The following CARMIL1 variants were observed in gnomAD, a reference collection of about 807,000 sequenced individuals.
CARMIL1 encodes the protein capping protein regulator and myosin 1 linker 1.
A neutral mutation model predicts 177.1 loss-of-function variants in CARMIL1; 90 were observed. The ratio of observed to expected loss-of-function variants is 0.51; its 90% CI spans 0.43 to 0.61. The LOEUF (loss-of-function observed/expected upper bound fraction) is 0.61, where lower values mean the gene tolerates loss of function less well. Ranked by LOEUF, CARMIL1 falls within the 20% of genes least tolerant of loss-of-function variation. CARMIL1 has a pLI of 0.00. For missense variants in CARMIL1, 1,380 were observed against 1,667.0 expected, an observed-to-expected ratio of 0.83 and a Z score of 3.00; for synonymous variants, 577 against 606.2, an observed-to-expected ratio of 0.95 and a Z score of 0.71.
In CARMIL1 at chr6:25,389,626, G is replaced by T. The variant is rs11760123; in HGVS notation, c.139-30488G>T. ...GACACTATGAAACATGACTAATGATGCCAGGAATACTTGAGTCAGCATGTG... is the reference window on the plus strand; with the variant it reads ...GACACTATGAAACATGACTAATGATTCCAGGAATACTTGAGTCAGCATGTG... On this transcript the variant is annotated intron_variant, in intron 2 of 36. Coordinates refer to ENST00000329474, the MANE Select transcript of CARMIL1 (RefSeq NM_017640.6). Among the ~76,000 whole-genome samples, 519 of 152,310 alleles carry T rather than the reference G, an allele frequency of 3.4e-3. 1 individual carries two copies. Among genetic ancestry groups the T allele is most frequent in the Non-Finnish European group, 5.2e-3 (353 of 68,036 alleles).
intron 8 of CARMIL1, among the ~76,000 whole-genome samples, chr6:25,459,235 T>TTTCC (rs1189979472): frequency 8.4e-5 from 8 of 94,824 alleles, no homozygotes; most frequent in Admixed American, 2.5e-4. Flanking sequence ...TCTTTCTTTC[T>TTTCC]TTCTTTCTTT....
intron 2 of CARMIL1, among the ~76,000 whole-genome samples, chr6:25,298,535 C>T (rs953958178): frequency 5.3e-5 from 8 of 152,292 alleles, no homozygotes; most frequent in East Asian, 1.9e-4. Context: ...ATTTCCAATA[C>T]GTATCTGTTT....
intron 29 of CARMIL1, chr6:25,563,824 G>C (rs1811338391): frequency 2.0e-6 from 2 of 985,302 alleles, no homozygotes; most frequent in Non-Finnish European, 2.4e-6. Flanking sequence ...AATTTGCTTG[G>C]ATGCTGGAAG....
At chr6:25,432,529 T>C (rs1392231396) in intron 4 of CARMIL1, among the ~76,000 whole-genome samples, 2 of 152,204 alleles carry the variant, frequency 1.3e-5, no homozygotes, top group East Asian at 3.8e-4. Flanking sequence ...TGCCACATTG[T>C]TTTCTGGTGC....
In CARMIL1 at chr6:25,567,347, G is replaced by A. The variant is rs1247800245; in HGVS notation, c.2742+10497G>A. Among the ~76,000 whole-genome samples the A allele has an allele frequency of 4.6e-5, 7 of 152,278 alleles. No homozygotes were observed. The East Asian group carries it at 1.2e-3, about 25-fold the overall frequency. ...GTTTATTATTCTCAGTGGAACTGGG[G>A]GAGATACTAACCTATGGTAGCAAAT... On this transcript the variant is annotated intron_variant, in intron 29 of 36. Transcript: ENST00000329474.
chr6:25,467,796 T>C (rs1357615535), intron 9 of CARMIL1, among the ~76,000 whole-genome samples: 1 of 152,216 alleles, frequency 6.6e-6, no homozygotes, highest in Non-Finnish European at 1.5e-5. Flanking sequence ...TTTGCATATA[T>C]TTTTAATATT....
intron 1 of CARMIL1, among the ~76,000 whole-genome samples, chr6:25,284,397 A>T (rs1161464798): frequency 1.3e-5 from 2 of 152,358 alleles, no homozygotes; most frequent in East Asian, 3.9e-4. Flanking sequence ...ATAACCATCC[A>T]ACTTGTTAAA....
At chr6:25,431,966 A>G (rs2150749353) in intron 4 of CARMIL1, among the ~76,000 whole-genome samples, 1 of 152,284 alleles carries the variant, frequency 6.6e-6, no homozygotes, top group South Asian at 2.1e-4. Flanking sequence ...CTAGTAACCT[A>G]ATGGTATTCA....
chr6:25,314,006 C>G (rs1784061075), intron 2 of CARMIL1, among the ~76,000 whole-genome samples: 1 of 150,906 alleles, frequency 6.6e-6, no homozygotes, highest in African/African-American at 2.4e-5. Context: ...CAGTCTTTTT[C>G]TAATTAAAGT....
At chr6:25,437,067 C>A (rs907186697) in intron 5 of CARMIL1, among the ~76,000 whole-genome samples, 1 of 152,120 alleles carries the variant, frequency 6.6e-6, no homozygotes, top group African/African-American at 2.4e-5. Context: ...TCGACATCAT[C>A]CTTAAAGCCA....
intron 5 of CARMIL1, among the ~76,000 whole-genome samples, chr6:25,441,349 GTGTGTGTGTGTGTGTGTGTGTGTCTA>G (rs1404557087): frequency 8.1e-6 from 1 of 122,922 alleles, no homozygotes; most frequent in Non-Finnish European, 1.8e-5. Flanking sequence ...GTGTGTGTGT[GTGTGTGTGTGTGTGTGTGTGTGTCTA>G]TGTGTGTGTG....
chr6:25,290,210 C>T (rs1344124003), intron 2 of CARMIL1, among the ~76,000 whole-genome samples: 1 of 152,096 alleles, frequency 6.6e-6, no homozygotes, highest in African/African-American at 2.4e-5. Flanking sequence ...ATCCTCCCAC[C>T]TCAGCCTCCC....
intron 2 of CARMIL1, among the ~76,000 whole-genome samples, chr6:25,352,599 A>G (rs1788217315): frequency 6.6e-6 from 1 of 152,170 alleles, no homozygotes. Flanking sequence ...GTAAGAGTGC[A>G]CAGATTGGTA....
Position 25,279,655 on chromosome 6 carries a change from T to A in CARMIL1, c.-141T>A. On this transcript the variant is annotated 5_prime_UTR_variant, in exon 1 of 37. Transcript: ENST00000329474. ...GGGCGGGGGGCGCGCGGCAAAATTC[T>A]GTCTCCGCCCCCCCTTTTCTTGCCC... 2 of 749,718 alleles carry A rather than the reference T, an allele frequency of 2.7e-6. No individual in the cohort carries two copies. 46.4% of individuals were successfully genotyped at this position (749,718 alleles called of 1,614,324 possible). A position where few individuals can be genotyped will look rare whatever the true frequency, so the allele number is the denominator to read the frequency against.
chr6:25,296,892 T>TC (rs1491363497), intron 2 of CARMIL1, among the ~76,000 whole-genome samples: 3 of 100,536 alleles, frequency 3.0e-5, no homozygotes, highest in Admixed American at 1.2e-4. Context: ...AATATCTATC[T>TC]TTATCTATCT....
At position 25,320,125 on chromosome 6, in the gene CARMIL1, A is replaced by G. The variant is rs1474546211; in HGVS notation, c.138+35216A>G. 3.3e-5 allele frequency among the ~76,000 whole-genome samples: 5 copies of G among 152,194 alleles called. No homozygotes were observed. In the East Asian group the frequency reaches 9.6e-4, roughly 29 times the overall value. On this transcript the variant is annotated intron_variant, in intron 2 of 36. Transcript: ENST00000329474. ...GTTTATGGCATTTTTCTGAAGAGAAAAAACACTCCAGCAAGGTAGGTAGGA... is the reference window on the plus strand; with the variant it reads ...GTTTATGGCATTTTTCTGAAGAGAAGAAACACTCCAGCAAGGTAGGTAGGA...
intron 26 of CARMIL1, 94 bp from the exon 27 acceptor site, chr6:25,550,816 G>A (rs1582331964): frequency 8.8e-7 from 1 of 1,131,764 alleles, no homozygotes; most frequent in African/African-American, 1.6e-5. Flanking sequence ...GTTCTCTGAG[G>A]GCTCCGTGTC....
At position 25,387,833 on chromosome 6, in the gene CARMIL1, T is replaced by A. The variant is rs557459900; in HGVS notation, c.139-32281T>A. Among the ~76,000 whole-genome samples, 11 of 152,268 alleles carry A rather than the reference T, an allele frequency of 7.2e-5. No homozygotes were observed. The South Asian group carries it at 1.0e-3, about 14-fold the overall frequency. ...CTGAGGCCTCAGGGAAAGCATCGTA[T>A]GAAATAGAGAATAATCACCAGATGC... On this transcript the variant is annotated intron_variant, in intron 2 of 36. Coordinates refer to ENST00000329474, the MANE Select transcript of CARMIL1 (RefSeq NM_017640.6).
chr6:25,294,673 A>G (rs1259367698), intron 2 of CARMIL1, among the ~76,000 whole-genome samples: 2 of 152,178 alleles, frequency 1.3e-5, no homozygotes, highest in Non-Finnish European at 2.9e-5. Flanking sequence ...GAAGAAGGTT[A>G]TCATACTTTT....
Sources: gnomAD v4.1 joint callset for allele counts (sites outside exome capture counted in the v4.1 genomes callset) on GRCh38, gnomAD v4.1.1 for gene constraint, MANE v1.5 for transcripts, NCBI Gene and HGNC (gene_info 2026-07-23, HGNC 2026-07-21) for gene names.